The following MBNL3 variants were observed in gnomAD, a reference collection of about 807,000 sequenced individuals.
MBNL3 encodes muscleblind like splicing regulator 3.
A neutral mutation model predicts 24.5 loss-of-function variants in MBNL3; 6 were observed. The ratio of observed to expected loss-of-function variants is 0.25; its 90% CI spans 0.13 to 0.48. The LOEUF is 0.48. Ranked by LOEUF, MBNL3 falls within the 20% of genes least tolerant of loss-of-function variation. The pLI, the probability that MBNL3 is intolerant of heterozygous loss-of-function variation, is 0.99. For synonymous variants in MBNL3, 100 were observed against 101.7 expected, an observed-to-expected ratio of 0.98 and a Z score of 0.10; for missense variants, 230 against 293.5, an observed-to-expected ratio of 0.78 and a Z score of 1.58.
At chrX:132,422,025 ATGTT>A (rs1011088342) in intron 2 of MBNL3, among the ~76,000 whole-genome samples, 4 of 111,531 alleles carry the variant, frequency 3.6e-5, no homozygotes, top group Admixed American at 2.8e-4. Flanking sequence ...CTGTTTATAA[ATGTT>A]TGAGCTAATT....
intron 2 of MBNL3, chrX:132,430,672 T>C (rs1033054479): frequency 8.9e-6 from 1 of 112,391 alleles, no homozygotes; most frequent in African/African-American, 3.2e-5. Context: ...TATCTGAGGG[T>C]ATGTGATATT....
intron 1 of MBNL3, among the ~76,000 whole-genome samples, chrX:132,450,948 T>C (rs1603257523): frequency 8.9e-6 from 1 of 112,481 alleles, no homozygotes; most frequent in Admixed American, 9.4e-5. Flanking sequence ...CTGTTGGAGT[T>C]TACTGGAGGT....
intron 1 of MBNL3, among the ~76,000 whole-genome samples, chrX:132,481,692 G>A (rs957284169): frequency 2.7e-5 from 3 of 111,868 alleles, no homozygotes; most frequent in Non-Finnish European, 5.6e-5. Flanking sequence ...AGGTAGTCTT[G>A]TCTTTTTTTC....
At chrX:132,464,234 C>T (rs772854091) in intron 1 of MBNL3, among the ~76,000 whole-genome samples, 2 of 112,111 alleles carry the variant, frequency 1.8e-5, no homozygotes, top group African/African-American at 6.5e-5. Context: ...TACTAAAGAA[C>T]GTGGTTATAC....
intron 5 of MBNL3, 65 bp from the exon 6 acceptor site, chrX:132,386,876 C>G (rs1936148847): frequency 8.9e-7 from 1 of 1,124,183 alleles, no homozygotes; most frequent in African/African-American, 1.8e-5. Context: ...CAAGCAAGCA[C>G]CAGTCATATA....
chrX:132,401,504 A>G (rs1940914652), intron 3 of MBNL3, among the ~76,000 whole-genome samples: 1 of 109,034 alleles, frequency 9.2e-6, no homozygotes. Flanking sequence ...CCAGCTACTC[A>G]GGAGGATGGG....
chrX:132,396,834 ATATT>A (rs1243926574), intron 3 of MBNL3, among the ~76,000 whole-genome samples: 1 of 62,224 alleles, frequency 1.6e-5, no homozygotes, highest in Non-Finnish European at 2.6e-5. Flanking sequence ...ATTCATATAT[ATATT>A]CATATATACA....
chrX:132,396,604 CTATATATATTCA>C (rs1235144014), intron 3 of MBNL3, among the ~76,000 whole-genome samples: 559 of 17,375 alleles, frequency 0.032, 29 homozygotes, highest in African/African-American at 0.058. Context: ...ATATATATTC[CTATATATATTCA>C]TATATATATT....
chrX:132,433,091 T>G (rs1944871686), intron 2 of MBNL3, among the ~76,000 whole-genome samples: 1 of 111,709 alleles, frequency 9.0e-6, no homozygotes, highest in Admixed American at 9.5e-5. Context: ...GGACTCTCTC[T>G]CTCTAGCAGC....
intron 7 of MBNL3, among the ~76,000 whole-genome samples, chrX:132,384,335 C>A (rs778778900): frequency 8.9e-6 from 1 of 112,326 alleles, no homozygotes; most frequent in South Asian, 3.6e-4. Flanking sequence ...TTAAATAATA[C>A]ATGTTAAGCA....
intron 2 of MBNL3, among the ~76,000 whole-genome samples, chrX:132,425,888 T>C (rs1292604004): frequency 8.9e-6 from 1 of 112,047 alleles, no homozygotes. Flanking sequence ...TCCAACAGCA[T>C]TTAGCCAAAT....
At chrX:132,438,775 T>G (rs1945250736) in intron 2 of MBNL3, among the ~76,000 whole-genome samples, 1 of 105,124 alleles carries the variant, frequency 9.5e-6, no homozygotes, top group Non-Finnish European at 1.9e-5. Context: ...CTTGATGACC[T>G]TAGTAATAGG....
Position 132,411,306 on chromosome X carries a change from A to C in MBNL3, c.178-4914T>G, listed in dbSNP as rs1054283659. 4.0e-6 allele frequency: 3 copies of C among 752,079 alleles called. No individual in the cohort carries two copies. In the African/African-American group the frequency reaches 7.0e-5, roughly 18 times the overall value. 62.0% of individuals were successfully genotyped at this position (752,079 alleles called of 1,213,427 possible). A position where few individuals can be genotyped will look rare whatever the true frequency, so the allele number is the denominator to read the frequency against. ...TGAATAGGCGAGAAGCTGGGGTGAGAGCAGAAGAATTTTCTTGCCTATCTG... is the reference window on the plus strand; with the variant it reads ...TGAATAGGCGAGAAGCTGGGGTGAGCGCAGAAGAATTTTCTTGCCTATCTG... On this transcript the variant is annotated intron_variant, in intron 2 of 8. Coordinates refer to ENST00000370853, the MANE Select transcript of MBNL3 (RefSeq NM_001386889.1).
chrX:132,427,600 A>G lies in MBNL3; in HGVS notation c.177+11835T>C, dbSNP rs185993873. 7.2e-5 allele frequency among the ~76,000 whole-genome samples: 8 copies of G among 111,837 alleles called. No homozygotes were observed. The East Asian group carries it at 1.7e-3, about 23-fold the overall frequency. ...GAAGATGAACAAAGATATTAAGACA[A>G]TGTGACAATGTGGTCTTAAAACAAT... On this transcript the variant is annotated intron_variant, in intron 2 of 8. Transcript: ENST00000370853.
chrX:132,390,664 T>C (rs1937039682), intron 5 of MBNL3, among the ~76,000 whole-genome samples, 183 bp downstream of exon 5: 1 of 112,034 alleles, frequency 8.9e-6, no homozygotes, highest in African/African-American at 3.2e-5. Context: ...TAATTATCTT[T>C]AGAAAATCTT....
rs185581290 is a variant in MBNL3, at chrX:132,391,194, T to C, written c.535-111A>G. On this transcript the variant is annotated intron_variant, in intron 4 of 8. Coordinates refer to ENST00000370853, the MANE Select transcript of MBNL3 (RefSeq NM_001386889.1). ...ACAGTAATTATATATACATTGAATA[T>C]ATTATGTGTGAACAAATCTAAAAAG... is the stretch of plus-strand genomic sequence containing the variant. The C allele has an allele frequency of 8.0e-4, 409 of 513,318 alleles. 1 individual carries two copies. In the African/African-American group the frequency reaches 8.5e-3, roughly 11 times the overall value. The allele number at this position is 513,318 out of a possible 1,213,427, so 42.3% of individuals were successfully genotyped here. A position where few individuals can be genotyped will look rare whatever the true frequency, so the allele number is the denominator to read the frequency against.
chrX:132,486,091 T>A (rs772941985), intron 1 of MBNL3, among the ~76,000 whole-genome samples: 1 of 112,340 alleles, frequency 8.9e-6, no homozygotes, highest in Non-Finnish European at 1.9e-5. Flanking sequence ...CTATAACTTA[T>A]GTACTGTCAG....
At chrX:132,442,643 T>C (rs961873450) in intron 1 of MBNL3, among the ~76,000 whole-genome samples, 2 of 112,772 alleles carry the variant, frequency 1.8e-5, no homozygotes, top group Admixed American at 9.4e-5. Flanking sequence ...TATAGAAACA[T>C]AATAAATGAT....
intron 2 of MBNL3, 85 bp downstream of exon 2, chrX:132,439,350 A>T (rs1945285987): frequency 3.0e-6 from 3 of 988,347 alleles, no homozygotes; most frequent in Non-Finnish European, 4.0e-6. Context: ...TGCTATTATT[A>T]ATTTTACTCA....
Sources: allele counts gnomAD v4.1 joint callset (sites outside exome capture counted in the v4.1 genomes callset), GRCh38; gene constraint gnomAD v4.1.1; transcripts MANE v1.5; gene names NCBI Gene and HGNC (gene_info 2026-07-23, HGNC 2026-07-21).